Variants in EFHC2 observed in about 807,000 individuals in gnomAD.
The protein encoded by EFHC2 is EF-hand domain-containing family member C2.
Under a neutral mutation model 52.7 loss-of-function variants are expected in EFHC2, and 18 were observed. The observed-to-expected ratio is 0.34, with a 90% CI of 0.24 to 0.51. The LOEUF is 0.51. Ranked by LOEUF, EFHC2 falls within the 20% of genes least tolerant of loss-of-function variation. The probability of loss-of-function intolerance (pLI) is 0.97; values close to 1 mark genes in which losing one functional copy is unlikely to be tolerated. For synonymous variants in EFHC2, 203 were observed against 204.1 expected (o/e 0.99, Z 0.04); for missense variants, 513 against 562.5 (o/e 0.91, Z 0.89).
At chrX:44,297,716 G>A (rs1169241467) in intron 2 of EFHC2, among the ~76,000 whole-genome samples, 6 of 92,242 alleles carry the variant, frequency 6.5e-5, no homozygotes, top group African/African-American at 1.3e-4. Flanking sequence ...GCGACAGAGC[G>A]AGACTCCATC....
intron 1 of EFHC2, among the ~76,000 whole-genome samples, chrX:44,327,584 T>C (rs1393603508): frequency 8.9e-6 from 1 of 111,802 alleles, no homozygotes; most frequent in African/African-American, 3.2e-5. Context: ...CTAATATTTA[T>C]TTTAAAAATT....
At chrX:44,235,502 T>C in intron 8 of EFHC2, 55 bp from the exon 9 acceptor site, 3 of 1,083,237 alleles carry the variant, frequency 2.8e-6, no homozygotes, top group Non-Finnish European at 3.7e-6. Context: ...TTCCACATAT[T>C]ATGTTTTTAA....
intron 5 of EFHC2, 145 bp downstream of exon 5, chrX:44,250,049 A>C (rs1208357500): frequency 1.5e-6 from 1 of 664,023 alleles, no homozygotes; most frequent in East Asian, 3.6e-5. Context: ...ATGTGTATTA[A>C]TAGAGGGCAC....
At chrX:44,317,019 C>A (rs748923486) in intron 1 of EFHC2, among the ~76,000 whole-genome samples, 2 of 111,640 alleles carry the variant, frequency 1.8e-5, no homozygotes, top group African/African-American at 6.5e-5. Flanking sequence ...CGAGACTGAA[C>A]GAAGGGGGAT....
At chrX:44,273,804 C>G (rs1476825928) in intron 2 of EFHC2, among the ~76,000 whole-genome samples, 2 of 111,755 alleles carry the variant, frequency 1.8e-5, no homozygotes, top group African/African-American at 6.5e-5. Context: ...TAAATATTCT[C>G]TTTGTCTCTC....
At chrX:44,157,758 G>C (rs1418731136) in intron 14 of EFHC2, among the ~76,000 whole-genome samples, 1 of 44,910 alleles carries the variant, frequency 2.2e-5, no homozygotes, top group Admixed American at 2.5e-4. Context: ...GCCCCGCTTG[G>C]TTCCCTTAAC....
intron 9 of EFHC2, among the ~76,000 whole-genome samples, chrX:44,234,868 T>C (rs1024097395): frequency 3.6e-5 from 4 of 111,694 alleles, no homozygotes; most frequent in South Asian, 3.8e-4. Flanking sequence ...ACCCTGACGA[T>C]TGAATTTGTG....
chrX:44,280,647 A>G (rs1270850217), intron 2 of EFHC2, among the ~76,000 whole-genome samples: 1 of 112,419 alleles, frequency 8.9e-6, no homozygotes, highest in Non-Finnish European at 1.9e-5. Context: ...AGATTTCAGT[A>G]CAACCATACC....
At chrX:44,294,996 A>G (rs1489413094) in intron 2 of EFHC2, among the ~76,000 whole-genome samples, 1 of 111,860 alleles carries the variant, frequency 8.9e-6, no homozygotes, top group Non-Finnish European at 1.9e-5. Flanking sequence ...CTCACAAAAC[A>G]CCAATAAAGT....
rs1447021216 is a variant in EFHC2 at position 44,212,469 on chromosome X, T to C, written c.1751+17180A>G. 5.4e-5 allele frequency among the ~76,000 whole-genome samples: 6 copies of C among 110,460 alleles called. No individual in the cohort carries two copies. The Admixed American group carries it at 5.8e-4, about 11-fold the overall frequency. On this transcript the variant is annotated intron_variant, in intron 11 of 14. Transcript: ENST00000420999. ...ACCTGGGGTAAGGGTAACACTCAACTGCAGCCTGCTCTAGCCATCCACATG... is the reference window on the plus strand; with the variant it reads ...ACCTGGGGTAAGGGTAACACTCAACCGCAGCCTGCTCTAGCCATCCACATG...
intron 7 of EFHC2, among the ~76,000 whole-genome samples, chrX:44,245,330 C>A (rs1213050677): frequency 1.8e-5 from 2 of 111,923 alleles, no homozygotes; most frequent in Admixed American, 1.9e-4. Flanking sequence ...ATTGTCCCAG[C>A]CACTAAGAAA....
rs187476419 is a variant in EFHC2 at position 44,203,771 on chromosome X, C to T, written c.1752-25207G>A. ...TCAGCTAATTTTTAAATTTTTCTTT[C>T]GTAGAGATTCAGTCTCACTATGTTA... is the stretch of plus-strand genomic sequence containing the variant. On this transcript the variant is annotated intron_variant, in intron 11 of 14. Coordinates refer to ENST00000420999, the MANE Select transcript of EFHC2 (RefSeq NM_025184.4). 2.8e-3 allele frequency among the ~76,000 whole-genome samples: 307 copies of T among 110,862 alleles called. 2 individuals are homozygous for T. Among genetic ancestry groups the T allele is most frequent in the African/African-American group, 9.5e-3 (290 of 30,492 alleles).
intron 1 of EFHC2, among the ~76,000 whole-genome samples, chrX:44,316,516 T>A (rs774900498): frequency 3.5e-4 from 39 of 111,790 alleles, no homozygotes; most frequent in Middle Eastern, 9.2e-3. Context: ...TCATCAAAAT[T>A]AGAACTGTGT....
intron 7 of EFHC2, among the ~76,000 whole-genome samples, chrX:44,246,679 A>G (rs1278595344): frequency 9.0e-6 from 1 of 111,410 alleles, no homozygotes; most frequent in Non-Finnish European, 1.9e-5. Flanking sequence ...CACTGCCTCA[A>G]AAAATTTTCT....
At position 44,255,987 on chromosome X, in the gene EFHC2, A is replaced by G. The variant is rs139501187; in HGVS notation, c.606+5088T>C. On this transcript the variant is annotated intron_variant, in intron 4 of 14. Transcript: ENST00000420999. The stretch of plus-strand genomic sequence containing the variant: ...TAAGAAACTCACTCAAAACCGCACA[A>G]TTGCATGCAAACTGAACAACCTGCT... Among the ~76,000 whole-genome samples the G allele has an allele frequency of 4.9e-3, 551 of 112,044 alleles. 2 individuals are homozygous for G. The highest frequency in any genetic ancestry group is 6.9e-3 in the Non-Finnish European group (366 of 53,282).
intron 1 of EFHC2, among the ~76,000 whole-genome samples, chrX:44,342,428 T>C (rs780410298): frequency 3.1e-4 from 35 of 112,443 alleles, no homozygotes; most frequent in African/African-American, 1.1e-3. Context: ...CACAGATGGC[T>C]GACCCAAGTG....
chrX:44,309,879 C>T, intron 2 of EFHC2: 2 of 1,170,523 alleles, frequency 1.7e-6, no homozygotes, highest in Non-Finnish European at 2.3e-6. Context: ...TGACACAAGG[C>T]ATCGTTCAAT....
chrX:44,236,417 G>A (rs749435963), intron 8 of EFHC2, among the ~76,000 whole-genome samples: 1 of 112,169 alleles, frequency 8.9e-6, no homozygotes, highest in Non-Finnish European at 1.9e-5. Flanking sequence ...CCCCAGGGAG[G>A]TACACAGGAG....
Position 44,229,637 on chromosome X carries a change from A to C in EFHC2, c.1751+12T>G. 8.3e-7 allele frequency: 1 copy of C among 1,210,819 alleles called. No individual in the cohort carries two copies. The highest frequency in any genetic ancestry group is 1.8e-5 in the South Asian group (1 of 56,879). On this transcript the variant is annotated intron_variant, in intron 11 of 14. Transcript: ENST00000420999. ...GGGGAAAACAGGTGATTGTTAGCAGAATATGGCTTACCTGAATGTATTATA... is the reference window on the plus strand; with the variant it reads ...GGGGAAAACAGGTGATTGTTAGCAGCATATGGCTTACCTGAATGTATTATA...
Sources: gnomAD v4.1 joint callset for allele counts (sites outside exome capture counted in the v4.1 genomes callset) on GRCh38, gnomAD v4.1.1 for gene constraint, MANE v1.5 for transcripts, NCBI Gene and HGNC (gene_info 2026-07-23, HGNC 2026-07-21) for gene names.